CLCN3: variants seen among roughly 807,000 people sequenced by gnomAD.
CLCN3 encodes the protein Cl-/H+ antiporter 3.
Under a neutral mutation model 83.4 loss-of-function variants are expected in CLCN3, and 16 were observed. The observed-to-expected ratio is 0.19, with a 90% CI of 0.13 to 0.29. CLCN3 has a LOEUF of 0.29. Among genes scored for constraint, CLCN3 ranks in the 10% least tolerant of loss-of-function variants. The probability of loss-of-function intolerance (pLI) is 1.00; values close to 1 mark genes in which losing one functional copy is unlikely to be tolerated. For synonymous variants in CLCN3, 322 were observed against 346.2 expected (o/e 0.93, Z 0.78); for missense variants, 544 against 1,006.0 (o/e 0.54, Z 6.21).
chr4:169,688,969 C>A, intron 4 of CLCN3, 74 bp from the exon 5 acceptor site: 2 of 1,273,842 alleles, frequency 1.6e-6, no homozygotes, highest in Non-Finnish European at 2.2e-6. Flanking sequence ...TTTCTACTTG[C>A]CTTTTAACTA....
At chr4:169,628,973 A>G (rs560342911) in intron 1 of CLCN3, among the ~76,000 whole-genome samples, 3 of 152,356 alleles carry the variant, frequency 2.0e-5, no homozygotes, top group East Asian at 3.9e-4. Context: ...AAAAGGAAGG[A>G]ACTATTGACA....
intron 2 of CLCN3, among the ~76,000 whole-genome samples, chr4:169,678,847 T>G (rs547084205): frequency 5.3e-5 from 8 of 152,240 alleles, no homozygotes; most frequent in Non-Finnish European, 1.2e-4. Flanking sequence ...CAATCTGATC[T>G]CTCTTTTCCC....
intron 3 of CLCN3, among the ~76,000 whole-genome samples, chr4:169,683,744 A>ATT (rs762304193): frequency 2.8e-4 from 39 of 141,188 alleles, no homozygotes; most frequent in African/African-American, 7.0e-4. Flanking sequence ...CTTAAAATTA[A>ATT]TTTTTTTTTT....
intron 2 of CLCN3, among the ~76,000 whole-genome samples, chr4:169,678,410 T>C (rs1731766315): frequency 6.6e-6 from 1 of 152,212 alleles, no homozygotes; most frequent in Non-Finnish European, 1.5e-5. Context: ...GTGATATTAT[T>C]TCTTTTTTTT....
intron 2 of CLCN3, among the ~76,000 whole-genome samples, chr4:169,674,814 A>C (rs1398511642): frequency 2.0e-5 from 3 of 152,058 alleles, no homozygotes; most frequent in African/African-American, 7.2e-5. Context: ...GCATTGGCGC[A>C]ATCACAGCCC....
intron 2 of CLCN3, among the ~76,000 whole-genome samples, chr4:169,653,070 G>C (rs1730772638): frequency 6.6e-6 from 1 of 152,098 alleles, no homozygotes; most frequent in Non-Finnish European, 1.5e-5. Flanking sequence ...AATATTCTTA[G>C]TTGTAATGTG....
chr4:169,671,150 A>G (rs949120293), intron 2 of CLCN3, among the ~76,000 whole-genome samples: 81 of 152,214 alleles, frequency 5.3e-4, no homozygotes, highest in African/African-American at 1.9e-3. Context: ...ATGCACACGT[A>G]TGTTTATTAT....
chr4:169,638,725 A>G (rs1012449127), intron 2 of CLCN3, among the ~76,000 whole-genome samples: 3 of 152,290 alleles, frequency 2.0e-5, no homozygotes, highest in Admixed American at 6.5e-5. Flanking sequence ...GGTCTTCAAC[A>G]GGAGAGAGTG....
At position 169,720,136 on chromosome 4, in the gene CLCN3, G is replaced by T; in HGVS notation, c.*139G>T. On this transcript the variant is annotated 3_prime_UTR_variant, in exon 13 of 13. Transcript: ENST00000513761. ...AAGGAAATATAAAAGCCGGGTTTTT[G>T]CAACATGGTTTGCAAATAATGCTGG... The T allele has an allele frequency of 7.4e-7, 1 of 1,349,370 alleles. No homozygotes were observed. Among genetic ancestry groups the T allele is most frequent in the Non-Finnish European group, 1.0e-6 (1 of 980,760 alleles). 83.6% of individuals were successfully genotyped at this position (1,349,370 alleles called of 1,614,324 possible). A position where few individuals can be genotyped will look rare whatever the true frequency, so the allele number is the denominator to read the frequency against.
chr4:169,680,419 A>G (rs1731891581), intron 3 of CLCN3: 2 of 417,564 alleles, frequency 4.8e-6, no homozygotes, highest in Non-Finnish European at 4.3e-6. Flanking sequence ...GATTTCAGGT[A>G]GCTAAAAAAC....
intron 2 of CLCN3, among the ~76,000 whole-genome samples, chr4:169,669,245 A>G (rs940721601): frequency 6.6e-6 from 1 of 152,216 alleles, no homozygotes; most frequent in African/African-American, 2.4e-5. Context: ...AAAATCGTAA[A>G]AATTAACTGG....
chr4:169,670,521 TGTA>T (rs1731416911), intron 2 of CLCN3, among the ~76,000 whole-genome samples: 1 of 152,186 alleles, frequency 6.6e-6, no homozygotes, highest in Non-Finnish European at 1.5e-5. Flanking sequence ...TACTGAGCCT[TGTA>T]GTATAGTTTG....
intron 2 of CLCN3, 131 bp downstream of exon 2, chr4:169,636,219 A>T: frequency 1.3e-6 from 1 of 787,156 alleles, no homozygotes; most frequent in Non-Finnish European, 2.0e-6. Flanking sequence ...ACATAAACTT[A>T]ACCATTGTAA....
In CLCN3 at chr4:169,646,886, C is replaced by T. The variant is rs1032921168; in HGVS notation, c.160+10798C>T. ...AATGAAGGGAAACATATCTATTCTA[C>T]CTACCTGATTCAGATTAGTTTTGGA... On this transcript the variant is annotated intron_variant, in intron 2 of 12. Transcript: ENST00000513761. Among the ~76,000 whole-genome samples, 5 of 152,250 alleles carry T rather than the reference C, an allele frequency of 3.3e-5. No homozygotes were observed. The South Asian group carries it at 1.0e-3, about 32-fold the overall frequency.
intron 3 of CLCN3, among the ~76,000 whole-genome samples, chr4:169,686,571 C>A (rs1162240949): frequency 6.6e-6 from 1 of 152,138 alleles, no homozygotes; most frequent in Non-Finnish European, 1.5e-5. Context: ...CGTTCGCCAC[C>A]ACACCCAGCT....
At chr4:169,699,337 G>A (rs1262637251) in intron 9 of CLCN3, among the ~76,000 whole-genome samples, 1 of 152,164 alleles carries the variant, frequency 6.6e-6, no homozygotes, top group Non-Finnish European at 1.5e-5. Flanking sequence ...TGGTCTATCA[G>A]TAAATATAAT....
At chr4:169,690,876 C>G (rs994520625) in intron 6 of CLCN3, among the ~76,000 whole-genome samples, 1 of 151,912 alleles carries the variant, frequency 6.6e-6, no homozygotes, top group Non-Finnish European at 1.5e-5. Context: ...TTTTCTCTCA[C>G]CACTAATTTA....
At chr4:169,646,198 T>C (rs1730565823) in intron 2 of CLCN3, among the ~76,000 whole-genome samples, 1 of 152,214 alleles carries the variant, frequency 6.6e-6, no homozygotes, top group Non-Finnish European at 1.5e-5. Context: ...TAGGAGCTCG[T>C]TAAGAGTTTA....
At chr4:169,650,599 A>G (rs1730704505) in intron 2 of CLCN3, among the ~76,000 whole-genome samples, 1 of 152,230 alleles carries the variant, frequency 6.6e-6, no homozygotes, top group Non-Finnish European at 1.5e-5. Flanking sequence ...TCTTAAATGA[A>G]GTTAACATAT....
Sources: allele counts gnomAD v4.1 joint callset (sites outside exome capture counted in the v4.1 genomes callset), GRCh38; gene constraint gnomAD v4.1.1; transcripts MANE v1.5; gene names NCBI Gene and HGNC (gene_info 2026-07-23, HGNC 2026-07-21).